PTPRN2: variants seen among roughly 807,000 people sequenced by gnomAD.
PTPRN2 encodes receptor-type tyrosine-protein phosphatase N2.
A neutral mutation model predicts 118.8 loss-of-function variants in PTPRN2; 74 were observed. The ratio of observed to expected loss-of-function variants is 0.62; its 90% CI spans 0.52 to 0.76. The LOEUF (loss-of-function observed/expected upper bound fraction) is 0.76, where lower values mean the gene tolerates loss of function less well. Among genes scored for constraint, PTPRN2 ranks in the 30% least tolerant of loss-of-function variants. The pLI is 0.00. For synonymous variants in PTPRN2, 641 were observed against 608.0 expected (o/e 1.05, Z -0.80); for missense variants, 1,481 against 1,394.4 (o/e 1.06, Z -0.99).
intron 12 of PTPRN2, among the ~76,000 whole-genome samples, chr7:157,809,808 G>T (rs1805869761): frequency 1.3e-5 from 2 of 152,276 alleles, no homozygotes; most frequent in African/African-American, 4.8e-5. Context: ...GTGGTTTGAA[G>T]CCACCCAGTT....
chr7:157,788,338 G>A (rs972964912), intron 12 of PTPRN2, among the ~76,000 whole-genome samples: 3 of 143,344 alleles, frequency 2.1e-5, no homozygotes, highest in Non-Finnish European at 4.5e-5. Context: ...TTGCACCACT[G>A]CACTCCAGCC....
intron 2 of PTPRN2, among the ~76,000 whole-genome samples, chr7:158,448,083 C>T (rs951226723): frequency 1.3e-5 from 2 of 152,208 alleles, no homozygotes; most frequent in Admixed American, 6.5e-5. Context: ...TGCCCCACTC[C>T]AGCCACTCCA....
chr7:157,613,937 G>A (rs1279931075), intron 15 of PTPRN2: 3 of 449,082 alleles, frequency 6.7e-6, no homozygotes, highest in Admixed American at 2.4e-5. Flanking sequence ...AGGCCACATG[G>A]CCAGGGGCGA....
intron 12 of PTPRN2, among the ~76,000 whole-genome samples, chr7:157,696,631 T>C (rs1797790663): frequency 1.4e-5 from 2 of 147,044 alleles, no homozygotes; most frequent in South Asian, 4.5e-4. Context: ...TACCCATGCA[T>C]ACTGGGTCTT....
chr7:158,226,138 CCTT>C (rs1396664953), intron 3 of PTPRN2, among the ~76,000 whole-genome samples: 1 of 152,126 alleles, frequency 6.6e-6, no homozygotes, highest in Non-Finnish European at 1.5e-5. Context: ...TATTCTAAGT[CCTT>C]CCTATTTTAA....
At position 158,061,683 on chromosome 7, in the gene PTPRN2, T is replaced by C. The variant is rs1206602861; in HGVS notation, c.1723+19615A>G. On this transcript the variant is annotated intron_variant, in intron 11 of 22. Coordinates refer to ENST00000389418, the MANE Select transcript of PTPRN2 (RefSeq NM_002847.5). ...CTGCCCATGGTCCAAGAGCCGTAGCTGAGATGCAATGGGGGTGTCCTTCAT... is the reference window on the plus strand; with the variant it reads ...CTGCCCATGGTCCAAGAGCCGTAGCCGAGATGCAATGGGGGTGTCCTTCAT... 1.4e-4 allele frequency among the ~76,000 whole-genome samples: 21 copies of C among 152,306 alleles called. No homozygotes were observed. The East Asian group carries it at 3.5e-3, about 25-fold the overall frequency.
In PTPRN2 at chr7:157,785,200, C is replaced by T. The variant is rs1172531837; in HGVS notation, c.1789-102263G>A. Among the ~76,000 whole-genome samples, 1 of 152,012 alleles carries T rather than the reference C, an allele frequency of 6.6e-6. No homozygotes were observed. The highest frequency in any genetic ancestry group is 1.5e-5 in the Non-Finnish European group (1 of 67,990). ...GGGCTCTGGCATGGAGCAGGATAACCCGGGCCCACGTGGGGACACGCCCCG... is the reference window on the plus strand; with the variant it reads ...GGGCTCTGGCATGGAGCAGGATAACTCGGGCCCACGTGGGGACACGCCCCG... On this transcript the variant is annotated intron_variant, in intron 12 of 22. Coordinates refer to ENST00000389418, the MANE Select transcript of PTPRN2 (RefSeq NM_002847.5). The surrounding 1 kb of genome is among the most constrained non-coding windows in gnomAD (Gnocchi z 7.3).
Position 158,517,666 on chromosome 7 carries a change from C to T in PTPRN2, c.113-27881G>A, listed in dbSNP as rs1214157475. Among the ~76,000 whole-genome samples, 3 of 152,214 alleles carry T rather than the reference C, an allele frequency of 2.0e-5. No individual in the cohort carries two copies. The highest frequency in any genetic ancestry group is 2.9e-5 in the Non-Finnish European group (2 of 68,036). On this transcript the variant is annotated intron_variant, in intron 1 of 22. Transcript: ENST00000389418. The surrounding 1 kb of genome is among the most constrained non-coding windows in gnomAD (Gnocchi z 5.3). ...CCTTTAGGGTGGAGTCCAAGCCAGCCTCATGGACAGCGTCTCCAGACTCTT... is the reference window on the plus strand; with the variant it reads ...CCTTTAGGGTGGAGTCCAAGCCAGCTTCATGGACAGCGTCTCCAGACTCTT...
intron 12 of PTPRN2, among the ~76,000 whole-genome samples, chr7:157,770,993 G>A (rs2151025248): frequency 6.6e-6 from 1 of 152,350 alleles, no homozygotes; most frequent in Middle Eastern, 3.4e-3. Flanking sequence ...GTAACGCCCT[G>A]CCAGTTTCTG....
chr7:158,227,065 G>A (rs1828841712), intron 3 of PTPRN2, among the ~76,000 whole-genome samples: 1 of 152,110 alleles, frequency 6.6e-6, no homozygotes, highest in Non-Finnish European at 1.5e-5. Flanking sequence ...CAGGACGAAT[G>A]GAGGCCTCAG....
chr7:157,748,091 AG>A (rs1801128271), intron 12 of PTPRN2, among the ~76,000 whole-genome samples: 2 of 77,276 alleles, frequency 2.6e-5, no homozygotes, highest in Admixed American at 1.3e-4. Flanking sequence ...TGGGCTGTTG[AG>A]GTGATTCTGA....
intron 12 of PTPRN2, among the ~76,000 whole-genome samples, chr7:157,711,929 A>C (rs1322648946): frequency 1.3e-5 from 1 of 78,132 alleles, no homozygotes; most frequent in Non-Finnish European, 3.0e-5. Flanking sequence ...CATGCAGGCC[A>C]CATGAGTGGG....
intron 2 of PTPRN2, among the ~76,000 whole-genome samples, chr7:158,481,788 T>C (rs912063865): frequency 6.6e-6 from 1 of 152,228 alleles, no homozygotes; most frequent in Non-Finnish European, 1.5e-5. Context: ...AAACACACTT[T>C]GTAAGATGAC....
Position 157,771,802 on chromosome 7 carries a change from C to T in PTPRN2, c.1789-88865G>A, listed in dbSNP as rs574384354. Among the ~76,000 whole-genome samples the T allele has an allele frequency of 1.8e-4, 27 of 149,252 alleles. No individual in the cohort carries two copies. The South Asian group carries it at 5.7e-3, about 31-fold the overall frequency. Reference sequence around the variant, plus strand: ...AGACACACACTCACAGACACAGACACAAACACACAGACACAGACACAGAAA... The same window carrying T: ...AGACACACACTCACAGACACAGACATAAACACACAGACACAGACACAGAAA... On this transcript the variant is annotated intron_variant, in intron 12 of 22. Transcript: ENST00000389418.
chr7:158,361,790 C>A (rs971857424), intron 2 of PTPRN2, among the ~76,000 whole-genome samples: 1 of 152,152 alleles, frequency 6.6e-6, no homozygotes, highest in Non-Finnish European at 1.5e-5. Flanking sequence ...CAGGTGTGGG[C>A]TCACCTTCAC....
At chr7:158,340,334 C>A (rs1425901409) in intron 2 of PTPRN2, among the ~76,000 whole-genome samples, 1 of 104,372 alleles carries the variant, frequency 9.6e-6, no homozygotes, top group Admixed American at 9.8e-5. Flanking sequence ...CTCACACCCA[C>A]ACTGTCACCA....
chr7:158,416,258 G>C (rs1814648300), intron 2 of PTPRN2, among the ~76,000 whole-genome samples: 1 of 152,224 alleles, frequency 6.6e-6, no homozygotes, highest in Non-Finnish European at 1.5e-5. Context: ...GACAACTGTG[G>C]TGGATGATCT....
chr7:158,311,057 C>G (rs1474112664), intron 3 of PTPRN2, among the ~76,000 whole-genome samples: 1 of 152,082 alleles, frequency 6.6e-6, no homozygotes, highest in Non-Finnish European at 1.5e-5. Context: ...CTCCAAGGGC[C>G]CAGGATGGGA....
chr7:157,595,381 C>CAGGAGG (rs1801235606), intron 16 of PTPRN2, 66 bp from the exon 17 acceptor site: 1 of 1,482,560 alleles, frequency 6.7e-7, no homozygotes, highest in African/African-American at 1.4e-5. Context: ...GTTAGGAAGC[C>CAGGAGG]TGGAGGTTAG....
Sources: allele counts gnomAD v4.1 joint callset (sites outside exome capture counted in the v4.1 genomes callset), GRCh38; gene constraint gnomAD v4.1.1; non-coding constraint Gnocchi (gnomAD v3.1); transcripts MANE v1.5; gene names NCBI Gene and HGNC (gene_info 2026-07-23, HGNC 2026-07-21).